Variants in KCNH5 observed in about 807,000 individuals in gnomAD.
The protein encoded by KCNH5 is voltage-gated delayed rectifier potassium channel KCNH5.
KCNH5 carries 46 observed loss-of-function variants against 96.1 expected under a neutral mutation model. The ratio of observed to expected loss-of-function variants is 0.48; its 90% CI spans 0.38 to 0.61. KCNH5 has a LOEUF of 0.61. KCNH5 is among the 20% of genes least tolerant of loss of function. KCNH5 has a pLI of 0.00. For synonymous variants in KCNH5, 439 were observed against 449.8 expected, an observed-to-expected ratio of 0.98 and a Z score of 0.30; for missense variants, 907 against 1,225.8, an observed-to-expected ratio of 0.74 and a Z score of 3.88.
intron 7 of KCNH5, among the ~76,000 whole-genome samples, chr14:62,910,942 C>CACACACACACACA (rs1555363114): frequency 1.6e-5 from 1 of 63,576 alleles, no homozygotes; most frequent in South Asian, 9.2e-4. Flanking sequence ...CACACACACA[C>CACACACACACACA]CCCTCTGTTG....
At chr14:62,930,318 T>C (rs886529898) in intron 7 of KCNH5, among the ~76,000 whole-genome samples, 5 of 152,108 alleles carry the variant, frequency 3.3e-5, no homozygotes, top group Non-Finnish European at 7.4e-5. Context: ...TGCCTCACTT[T>C]AAATTTCTGT....
At chr14:62,912,399 T>G (rs1371042646) in intron 7 of KCNH5, among the ~76,000 whole-genome samples, 1 of 152,058 alleles carries the variant, frequency 6.6e-6, no homozygotes, top group African/African-American at 2.4e-5. Flanking sequence ...TTTACTTCCT[T>G]CTATATCTTG....
intron 10 of KCNH5, among the ~76,000 whole-genome samples, chr14:62,739,776 C>G (rs1414396099): frequency 6.6e-6 from 1 of 152,082 alleles, no homozygotes; most frequent in Non-Finnish European, 1.5e-5. Context: ...TGGAGTGTTA[C>G]TCTTTGTCAT....
rs1358592468 is a variant in KCNH5, at chr14:62,701,491, A to G, written c.*6017T>C. 6.6e-6 allele frequency: 1 copy of G among 152,132 alleles called. No homozygotes were observed. Among genetic ancestry groups the G allele is most frequent in the East Asian group, 1.9e-4 (1 of 5,188 alleles). 9.4% of individuals were successfully genotyped at this position (152,132 alleles called of 1,614,324 possible). A position where few individuals can be genotyped will look rare whatever the true frequency, so the allele number is the denominator to read the frequency against. ...AGTAGTACAAGACATGACCTCATTT[A>G]AATAATCATGCAGTGGTAATGTAAA... On this transcript the variant is annotated 3_prime_UTR_variant, in exon 11 of 11. Coordinates refer to ENST00000322893, the MANE Select transcript of KCNH5 (RefSeq NM_139318.5).
intron 5 of KCNH5, among the ~76,000 whole-genome samples, chr14:62,981,907 A>G (rs1890615111): frequency 6.6e-6 from 1 of 152,320 alleles, no homozygotes; most frequent in African/African-American, 2.4e-5. Context: ...ACCAATTCAA[A>G]TGGAAAAATT....
intron 7 of KCNH5, among the ~76,000 whole-genome samples, chr14:62,872,499 G>C (rs1004083921): frequency 1.3e-5 from 2 of 152,096 alleles, no homozygotes; most frequent in Non-Finnish European, 1.5e-5. Flanking sequence ...GACCATTCTA[G>C]CTAACACAAT....
chr14:62,886,951 A>T (rs1026810511), intron 7 of KCNH5, among the ~76,000 whole-genome samples: 1 of 152,190 alleles, frequency 6.6e-6, no homozygotes, highest in African/African-American at 2.4e-5. Context: ...ACTTCCCAGG[A>T]GTGTTAAAAT....
chr14:62,802,724 G>A (rs1886689704), intron 8 of KCNH5, 143 bp from the exon 9 acceptor site: 13 of 951,930 alleles, frequency 1.4e-5, no homozygotes, highest in Non-Finnish European at 1.9e-5. Context: ...AAGGCAAAGG[G>A]AACAAGACAC....
chr14:63,034,176 C>A (rs370038516), intron 1 of KCNH5, among the ~76,000 whole-genome samples: 13 of 152,138 alleles, frequency 8.5e-5, no homozygotes, highest in Non-Finnish European at 1.9e-4. Context: ...CCTCGGCCTT[C>A]CAAAGTGCTG....
chr14:62,915,669 C>T (rs2140104168), intron 7 of KCNH5, among the ~76,000 whole-genome samples: 1 of 152,258 alleles, frequency 6.6e-6, no homozygotes, highest in Admixed American at 6.5e-5. Flanking sequence ...TTCCAATAAG[C>T]ATTTATAAAA....
chr14:62,963,042 C>G (rs569295995), intron 6 of KCNH5, among the ~76,000 whole-genome samples: 1 of 152,222 alleles, frequency 6.6e-6, no homozygotes, highest in Non-Finnish European at 1.5e-5. Flanking sequence ...GTCACAATGC[C>G]TACATCATTC....
intron 3 of KCNH5, 152 bp from the exon 4 acceptor site, chr14:63,001,611 C>T (rs1251486316): frequency 3.5e-5 from 21 of 601,272 alleles, no homozygotes; most frequent in East Asian, 9.5e-5. Flanking sequence ...ACAAACAATC[C>T]GTAAACCTTT....
chr14:62,775,079 T>G (rs940929644), intron 10 of KCNH5, among the ~76,000 whole-genome samples: 3 of 152,228 alleles, frequency 2.0e-5, no homozygotes, highest in African/African-American at 7.2e-5. Flanking sequence ...GTAATGAGCA[T>G]AAATGGCATT....
intron 7 of KCNH5, among the ~76,000 whole-genome samples, chr14:62,886,895 A>G (rs905471246): frequency 8.5e-5 from 13 of 152,348 alleles, no homozygotes; most frequent in Admixed American, 3.3e-4. Context: ...TAGAATATTT[A>G]GATATGAATA....
At chr14:62,765,834 G>A (rs1013617146) in intron 10 of KCNH5, among the ~76,000 whole-genome samples, 2 of 151,956 alleles carry the variant, frequency 1.3e-5, no homozygotes, top group Non-Finnish European at 2.9e-5. Context: ...AAGCAAAAAT[G>A]AACAAACGGG....
chr14:62,799,691 TTATATATATATATATATATATA>T (rs71410693), intron 9 of KCNH5, among the ~76,000 whole-genome samples: 5 of 58,018 alleles, frequency 8.6e-5, no homozygotes, highest in East Asian at 7.9e-4. Context: ...GTATATACCT[TTATATATATATATATATATATA>T]TATATATATA....
chr14:63,040,532 T>C (rs1185700793), intron 1 of KCNH5, among the ~76,000 whole-genome samples: 2 of 152,130 alleles, frequency 1.3e-5, no homozygotes, highest in Non-Finnish European at 2.9e-5. Flanking sequence ...AAAAACACTG[T>C]GTGGTTTTAT....
chr14:62,723,150 C>A (rs1884852385), intron 10 of KCNH5, among the ~76,000 whole-genome samples: 1 of 151,412 alleles, frequency 6.6e-6, no homozygotes, highest in Admixed American at 6.6e-5. Flanking sequence ...TTTTTTTTTA[C>A]CATAAAAGAA....
At chr14:62,939,737 C>T (rs540188064) in intron 7 of KCNH5, among the ~76,000 whole-genome samples, 55 of 152,084 alleles carry the variant, frequency 3.6e-4, no homozygotes, top group Non-Finnish European at 6.5e-4. Flanking sequence ...GCCAGGAGTT[C>T]GAGACCAGCC....
Sources: gnomAD v4.1 joint callset for allele counts (sites outside exome capture counted in the v4.1 genomes callset) on GRCh38, gnomAD v4.1.1 for gene constraint, MANE v1.5 for transcripts, NCBI Gene and HGNC (gene_info 2026-07-23, HGNC 2026-07-21) for gene names.